OR14A16: variants seen among roughly 807,000 people sequenced by gnomAD.
OR14A16 encodes olfactory receptor 14A16.
For synonymous variants in OR14A16, 135 were observed against 137.6 expected (o/e 0.98, Z 0.13); for missense variants, 341 against 366.5 (o/e 0.93, Z 0.57).
chr1:247,823,560 A>G (rs1572543667), intron 1 of OR14A16, among the ~76,000 whole-genome samples: 1 of 152,182 alleles, frequency 6.6e-6, no homozygotes, highest in African/African-American at 2.4e-5. Flanking sequence ...TAGCATGACA[A>G]TTAAATAATA....
At chr1:247,822,280 A>G (rs1340564270) in intron 1 of OR14A16, among the ~76,000 whole-genome samples, 1 of 108,784 alleles carries the variant, frequency 9.2e-6, no homozygotes, top group African/African-American at 3.5e-5. Context: ...CCTGCCCTTA[A>G]TGCCCTTAAT....
chr1:247,815,650 A>T lies in OR14A16; in HGVS notation c.80T>A (p.Ile27Asn). ...ACACAAATAAATCAACAAGAAGAGA[A>T]TCGAATGCAAAATGCACATATTTTT... ...TNKNMCILHS[I>N]LFLLIYLCAL... The change falls in exon 3 of 3, where the codon ATT becomes AAT. Residue 27 changes from isoleucine to asparagine, a missense_variant. Transcript: ENST00000641093. The T allele has an allele frequency of 6.2e-7, 1 of 1,611,122 alleles. No individual in the cohort carries two copies. The highest frequency in any genetic ancestry group is 8.5e-7 in the Non-Finnish European group (1 of 1,177,258).
chr1:247,817,253 A>G (rs1440341325), intron 2 of OR14A16, among the ~76,000 whole-genome samples: 4 of 152,230 alleles, frequency 2.6e-5, no homozygotes, highest in African/African-American at 9.7e-5. Flanking sequence ...ATAAAGAAAA[A>G]TCACAGTGTA....
chr1:247,822,924 G>A (rs1210785030), intron 1 of OR14A16, among the ~76,000 whole-genome samples: 5 of 152,216 alleles, frequency 3.3e-5, no homozygotes, highest in Non-Finnish European at 7.3e-5. Context: ...CAGAAGGGAA[G>A]CATATAAAAT....
At chr1:247,822,592 C>T (rs1662762341) in intron 1 of OR14A16, among the ~76,000 whole-genome samples, 2 of 152,148 alleles carry the variant, frequency 1.3e-5, no homozygotes, top group Non-Finnish European at 2.9e-5. Flanking sequence ...CCAACTCGCA[C>T]TTGGCCTTTC....
At position 247,815,082 on chromosome 1, in the gene OR14A16, A is replaced by G. The variant is rs1455637014; in HGVS notation, c.648T>C (p.Tyr216=). ...FCCFIVIIIT[Y]VHVFSTVKKI... ...TCTTGACTGTAGAGAAGACGTGGAC[A>G]TAGGTAATGATGATGACAATAAAAC... Residue 216 remains tyrosine (Y), a synonymous_variant, in exon 3 of 3, where the codon TAT becomes TAC. Transcript: ENST00000641093. 4 of 1,613,914 alleles carry G rather than the reference A, an allele frequency of 2.5e-6. No homozygotes were observed. The Admixed American group carries it at 6.7e-5, about 27-fold the overall frequency.
At chr1:247,819,253 CA>C (rs1662682925) in intron 1 of OR14A16, 76 bp from the exon 2 acceptor site, 1 of 152,098 alleles carries the variant, frequency 6.6e-6, no homozygotes, top group Non-Finnish European at 1.5e-5. Flanking sequence ...CCAGCTTCTC[CA>C]TGTTGTGCTT....
intron 1 of OR14A16, among the ~76,000 whole-genome samples, chr1:247,820,597 G>A (rs929404501): frequency 6.6e-6 from 1 of 151,972 alleles, no homozygotes; most frequent in African/African-American, 2.4e-5. Flanking sequence ...TGTAATCCCA[G>A]CACTTTGGGA....
Position 247,814,841 on chromosome 1 carries a change from C to T in OR14A16, c.889G>A (p.Ala297Thr). Residue 297 changes from alanine to threonine, a missense_variant, in exon 3 of 3, where the codon GCT (alanine) becomes ACT (threonine). Ala to Thr is a moderately conservative substitution (Grantham distance 58, BLOSUM62 0). Transcript: ENST00000641093. ...TTTCCCTTTATCAACATCCCCAGAG[C>T]CACCTTTATGGCCTTGTTTCTCAAA... ...YSLRNKAIKVALGMLIKGKLT... is the reference protein window; with the variant it reads ...YSLRNKAIKVTLGMLIKGKLT... 1 of 1,593,836 alleles carries T rather than the reference C, an allele frequency of 6.3e-7. No homozygotes were observed. Among genetic ancestry groups the T allele is most frequent in the Non-Finnish European group, 8.5e-7 (1 of 1,173,326 alleles).
chr1:247,815,544 C>G lies in OR14A16; in HGVS notation c.186G>C (p.Lys62Asn), dbSNP rs774862927. ...GGCAGAGATCCAAGAAAGATAGATT[C>G]TTCAAGAAGAAATACACGGGGGTGT... ...HLHTPVYFFL[K>N]NLSFLDLCLI... The change falls in exon 3 of 3, where the codon AAG becomes AAC. Residue 62 changes from lysine (K) to asparagine (N), a missense_variant. Transcript: ENST00000641093. 1 of 1,614,068 alleles carries G rather than the reference C, an allele frequency of 6.2e-7. No individual in the cohort carries two copies. Among genetic ancestry groups the G allele is most frequent in the East Asian group, 2.2e-5 (1 of 44,882 alleles).
In OR14A16 at chr1:247,814,911, C is replaced by A. The variant is rs1662577320; in HGVS notation, c.819G>T (p.Val273=). 2 of 1,613,826 alleles carry A rather than the reference C, an allele frequency of 1.2e-6. No homozygotes were observed. Among genetic ancestry groups the A allele is most frequent in the Non-Finnish European group, 1.7e-6 (2 of 1,179,870 alleles). Residue 273 remains valine, a synonymous_variant, in exon 3 of 3, where the codon GTG becomes GTT. Transcript: ENST00000641093. ...SPSILDAVIS[V]FYTMLPPTFN... ...AGGTTGGGGGCAGCATAGTGTAGAA[C>A]ACAGAAATTACAGCATCCAAAATAG...
In OR14A16 at chr1:247,814,956, C is replaced by G; in HGVS notation, c.774G>C (p.Lys258Asn). ...FLSTGFIAYL[K>N]PASESPSILD... Reference sequence around the variant, plus strand: ...AAATAGAAGGAGACTCTGAAGCTGGCTTCAGATAAGCAATGAATCCAGTGG... The same window carrying G: ...AAATAGAAGGAGACTCTGAAGCTGGGTTCAGATAAGCAATGAATCCAGTGG... The change falls in exon 3 of 3, where the codon AAG becomes AAC. Residue 258 changes from lysine to asparagine, a missense_variant. By Grantham distance (94) the Lys-to-Asn change is moderately conservative. Transcript: ENST00000641093. The G allele has an allele frequency of 3.7e-6, 6 of 1,613,984 alleles. No homozygotes were observed. The highest frequency in any genetic ancestry group is 4.2e-6 in the Non-Finnish European group (5 of 1,180,004).
intron 2 of OR14A16, among the ~76,000 whole-genome samples, chr1:247,817,245 A>G (rs2103282910): frequency 6.6e-6 from 1 of 152,338 alleles, no homozygotes; most frequent in South Asian, 2.1e-4. Flanking sequence ...AGTGATAGAT[A>G]AAGAAAAATC....
intron 1 of OR14A16, among the ~76,000 whole-genome samples, chr1:247,819,569 A>T (rs1454108248): frequency 1.3e-5 from 2 of 152,110 alleles, no homozygotes; most frequent in African/African-American, 2.4e-5. Context: ...TTATCTATTT[A>T]TTTTATTGTA....
chr1:247,822,081 A>G (rs1424449287), intron 1 of OR14A16, among the ~76,000 whole-genome samples: 1 of 152,160 alleles, frequency 6.6e-6, no homozygotes. Flanking sequence ...TTTATGTTGT[A>G]AACAAATTTG....
Position 247,815,065 on chromosome 1 carries a change from G to C in OR14A16, c.665C>G (p.Thr222Arg). The C allele has an allele frequency of 6.2e-7, 1 of 1,613,732 alleles. No homozygotes were observed. The highest frequency in any genetic ancestry group is 2.2e-5 in the East Asian group (1 of 44,870). ...IIITYVHVFSTVKKIPSTEGQ... is the reference protein window; with the variant it reads ...IIITYVHVFSRVKKIPSTEGQ... ...TTCTGTGGAAGGGATCTTCTTGACT[G>C]TAGAGAAGACGTGGACATAGGTAAT... The change falls in exon 3 of 3, where the codon ACA becomes AGA. Residue 222 changes from threonine (T) to arginine (R), a missense_variant. Transcript: ENST00000641093.
rs548216851 is a variant in OR14A16 at position 247,821,895 on chromosome 1, TC to T, written c.-131+2057del. ...GTGTGCCTTGATTCCTTACTTTTTATCCTTTTTGTGTCTACTATAGGTTTTG... is the reference window on the plus strand; with the variant it reads ...GTGTGCCTTGATTCCTTACTTTTTATCTTTTTGTGTCTACTATAGGTTTTG... On this transcript the variant is annotated intron_variant, in intron 1 of 2. Transcript: ENST00000641093. 9.7e-4 allele frequency among the ~76,000 whole-genome samples: 109 copies of T among 111,994 alleles called. 9 individuals carry two copies. Among genetic ancestry groups the T allele is most frequent in the Middle Eastern group, 4.1e-3 (1 of 242 alleles). 73.5% of individuals were successfully genotyped at this position (111,994 alleles called of 152,430 possible).
rs72777548 is a variant in OR14A16, at chr1:247,814,777, T to G, written c.*23A>C. ...GTACATTATAAATGGTATCTATTAT[T>G]GAAAGAAGAAAAGCAACAGCTTTTA... On this transcript the variant is annotated 3_prime_UTR_variant, in exon 3 of 3. Transcript: ENST00000641093. 1 of 1,387,446 alleles carries G rather than the reference T, an allele frequency of 7.2e-7. No homozygotes were observed. Among genetic ancestry groups the G allele is most frequent in the East Asian group, 2.3e-5 (1 of 43,418 alleles). The allele number at this position is 1,387,446 out of a possible 1,614,324, so 85.9% of individuals were successfully genotyped here.
chr1:247,815,936 CT>C (rs1197314005), intron 2 of OR14A16, among the ~76,000 whole-genome samples, 192 bp from the exon 3 acceptor site: 2 of 152,110 alleles, frequency 1.3e-5, no homozygotes, highest in African/African-American at 4.8e-5. Context: ...CAAGCATTTC[CT>C]GATTAATTTC....
Sources: gnomAD v4.1 joint callset for allele counts (sites outside exome capture counted in the v4.1 genomes callset) on GRCh38, gnomAD v4.1.1 for gene constraint, MANE v1.5 for transcripts, NCBI Gene and HGNC (gene_info 2026-07-23, HGNC 2026-07-21) for gene names.